The following PTPN2 variants were observed in gnomAD, a reference collection of about 807,000 sequenced individuals.
PTPN2 encodes the protein tyrosine-protein phosphatase non-receptor type 2.
A neutral mutation model predicts 57.3 loss-of-function variants in PTPN2; 19 were observed. That is an observed-to-expected ratio of 0.33 (90% CI 0.23 to 0.49). The LOEUF (loss-of-function observed/expected upper bound fraction) is 0.49. Ranked by LOEUF, PTPN2 falls within the 20% of genes least tolerant of loss-of-function variation. The pLI is 0.99. For missense variants in PTPN2, 358 were observed against 501.1 expected (o/e 0.71, Z 2.73); for synonymous variants, 153 against 164.9 (o/e 0.93, Z 0.55).
intron 7 of PTPN2, among the ~76,000 whole-genome samples, chr18:12,806,105 T>G (rs2041640760): frequency 1.3e-5 from 2 of 151,874 alleles, no homozygotes; most frequent in South Asian, 4.2e-4. Context: ...CTGTTATAAC[T>G]AATAAAAAAA....
At chr18:12,834,508 A>T (rs2042783598) in intron 3 of PTPN2, among the ~76,000 whole-genome samples, 2 of 152,200 alleles carry the variant, frequency 1.3e-5, no homozygotes, top group African/African-American at 4.8e-5. Context: ...TGTAAAATTC[A>T]TAAAATTCAT....
At chr18:12,824,000 G>A (rs2042360561) in intron 5 of PTPN2, among the ~76,000 whole-genome samples, 5 of 152,110 alleles carry the variant, frequency 3.3e-5, no homozygotes, top group Non-Finnish European at 7.3e-5. Flanking sequence ...CAATTTTAAT[G>A]CCATAAGCAA....
intron 4 of PTPN2, among the ~76,000 whole-genome samples, chr18:12,830,235 C>T (rs1455780726): frequency 6.6e-6 from 1 of 152,070 alleles, no homozygotes; most frequent in Non-Finnish European, 1.5e-5. Context: ...CTGCAACCTC[C>T]ACCTCCTAGG....
In PTPN2 at chr18:12,870,372, TAC is replaced by T. The variant is rs1269444131; in HGVS notation, c.70-11120_70-11119del. On this transcript the variant is annotated intron_variant, in intron 1 of 8. Coordinates refer to ENST00000309660, the MANE Select transcript of PTPN2 (RefSeq NM_002828.4). ...ATATGTGTATATATATGTGTATATATACATATATATACGTATATATGTATATA... is the reference window on the plus strand; with the variant it reads ...ATATGTGTATATATATGTGTATATATATATATATACGTATATATGTATATA... Among the ~76,000 whole-genome samples, 50 of 65,284 alleles carry T rather than the reference TAC, an allele frequency of 7.7e-4. 10 individuals carry two copies. The highest frequency in any genetic ancestry group is 5.1e-3 in the African/African-American group (46 of 9,084). 42.8% of individuals were successfully genotyped at this position (65,284 alleles called of 152,430 possible).
chr18:12,872,476 T>C (rs1011422818), intron 1 of PTPN2, among the ~76,000 whole-genome samples: 3 of 152,214 alleles, frequency 2.0e-5, no homozygotes, highest in Non-Finnish European at 4.4e-5. Flanking sequence ...AAGTTATTCA[T>C]TGCATTCCCT....
chr18:12,858,880 T>C (rs966532720), intron 2 of PTPN2, among the ~76,000 whole-genome samples: 2 of 152,206 alleles, frequency 1.3e-5, no homozygotes, highest in African/African-American at 4.8e-5. Flanking sequence ...TAGACATCTA[T>C]AATTACAATT....
chr18:12,805,343 G>C (rs533965199), intron 7 of PTPN2, among the ~76,000 whole-genome samples: 1 of 151,924 alleles, frequency 6.6e-6, no homozygotes, highest in Non-Finnish European at 1.5e-5. Context: ...TGTAATCCCA[G>C]CCACTCAGGT....
chr18:12,851,686 A>G (rs2043400893), intron 2 of PTPN2, among the ~76,000 whole-genome samples: 1 of 152,206 alleles, frequency 6.6e-6, no homozygotes, highest in Admixed American at 6.5e-5. Flanking sequence ...CTGCATTCAA[A>G]GTAGTTATGC....
chr18:12,833,723 G>A (rs1210783769), intron 3 of PTPN2, among the ~76,000 whole-genome samples: 1 of 152,140 alleles, frequency 6.6e-6, no homozygotes, highest in African/African-American at 2.4e-5. Context: ...ACCTTAAAAA[G>A]CTGCTGCAAC....
At chr18:12,825,675 A>C in intron 5 of PTPN2, 135 bp downstream of exon 5, 1 of 758,538 alleles carries the variant, frequency 1.3e-6, no homozygotes, top group East Asian at 3.0e-5. Flanking sequence ...ACACAATCTA[A>C]AAACACGTGA....
chr18:12,882,669 C>T (rs970464441), intron 1 of PTPN2, among the ~76,000 whole-genome samples: 5 of 152,200 alleles, frequency 3.3e-5, no homozygotes, highest in African/African-American at 1.2e-4. Flanking sequence ...TGGAAGAGTC[C>T]TTACCAGCAT....
intron 1 of PTPN2, among the ~76,000 whole-genome samples, chr18:12,873,988 G>A (rs1423393389): frequency 6.7e-6 from 1 of 150,268 alleles, no homozygotes; most frequent in Non-Finnish European, 1.5e-5. Flanking sequence ...CCCCATCTGA[G>A]AAGGGAGGAG....
chr18:12,801,945 C>T, intron 8 of PTPN2, 25 bp downstream of exon 8: 1 of 1,538,040 alleles, frequency 6.5e-7, no homozygotes, highest in Non-Finnish European at 8.7e-7. Flanking sequence ...CCTCATCTTT[C>T]AGCCTGTAGT....
chr18:12,798,222 C>T (rs1168089271), intron 8 of PTPN2, among the ~76,000 whole-genome samples: 2 of 152,118 alleles, frequency 1.3e-5, no homozygotes, highest in African/African-American at 2.4e-5. Context: ...ATACATCACA[C>T]ATACATATAT....
chr18:12,857,203 C>T (rs1464509576), intron 2 of PTPN2, among the ~76,000 whole-genome samples: 2 of 152,000 alleles, frequency 1.3e-5, no homozygotes, highest in African/African-American at 4.8e-5. Context: ...GAAGGAGGAT[C>T]CAAGCAAGGA....
At chr18:12,842,440 C>T (rs536767952) in intron 2 of PTPN2, among the ~76,000 whole-genome samples, 1 of 152,104 alleles carries the variant, frequency 6.6e-6, no homozygotes, top group Non-Finnish European at 1.5e-5. Context: ...TAACGGGACT[C>T]ACAGCGCTGG....
At position 12,853,754 on chromosome 18, in the gene PTPN2, A is replaced by C. The variant is rs534935074; in HGVS notation, c.160+5410T>G. ...ACTCCAAGTGATTCAGTTTTACTGA[A>C]ATGAATAATTTCTAGGAAAATGGGT... is the stretch of plus-strand genomic sequence containing the variant. On this transcript the variant is annotated intron_variant, in intron 2 of 8. Transcript: ENST00000309660. Among the ~76,000 whole-genome samples, 173 of 152,352 alleles carry C rather than the reference A, an allele frequency of 1.1e-3. 1 individual carries two copies. The highest frequency in any genetic ancestry group is 0.011 in the South Asian group (54 of 4,828).
chr18:12,802,026 G>A lies in PTPN2; in HGVS notation c.984C>T (p.Asp328=). The A allele has an allele frequency of 6.2e-7, 1 of 1,612,240 alleles. No homozygotes were observed. The highest frequency in any genetic ancestry group is 8.5e-7 in the Non-Finnish European group (1 of 1,179,574). The part of the protein sequence containing the change: ...IGLEEEKLTG[D]RCTGLSSKMQ... ...TTTTAGAGGAAAGTCCTGTACATCGGTCACCTGTCAGTTTTTCTTCTTCTA... is the reference window on the plus strand; with the variant it reads ...TTTTAGAGGAAAGTCCTGTACATCGATCACCTGTCAGTTTTTCTTCTTCTA... The change falls in exon 8 of 9, where the codon GAC becomes GAT. Residue 328 remains aspartate, a synonymous_variant. Transcript: ENST00000309660.
chr18:12,831,765 A>C (rs956927851), intron 3 of PTPN2, among the ~76,000 whole-genome samples: 1 of 152,220 alleles, frequency 6.6e-6, no homozygotes, highest in Non-Finnish European at 1.5e-5. Context: ...CCTCAATGGA[A>C]GAGTATTGGG....
Sources: gnomAD v4.1 joint callset for allele counts (sites outside exome capture counted in the v4.1 genomes callset) on GRCh38, gnomAD v4.1.1 for gene constraint, MANE v1.5 for transcripts, NCBI Gene and HGNC (gene_info 2026-07-23, HGNC 2026-07-21) for gene names.